RBFOX2: variants seen among roughly 807,000 people sequenced by gnomAD.
RBFOX2 encodes RNA binding protein fox-1 homolog 2.
RBFOX2 carries 10 observed loss-of-function variants against 49.1 expected under a neutral mutation model. That is an observed-to-expected ratio of 0.20 (90% CI 0.13 to 0.35). RBFOX2 has a LOEUF of 0.35. Among genes scored for constraint, RBFOX2 ranks in the 10% least tolerant of loss-of-function variants. The probability of loss-of-function intolerance (pLI) is 1.00; values close to 1 mark genes in which losing one functional copy is unlikely to be tolerated. For synonymous variants in RBFOX2, 183 were observed against 187.4 expected (o/e 0.98, Z 0.19); for missense variants, 323 against 486.9 (o/e 0.66, Z 3.17).
At chr22:35,812,487 A>T (rs1344526750) in intron 1 of RBFOX2, among the ~76,000 whole-genome samples, 1 of 152,110 alleles carries the variant, frequency 6.6e-6, no homozygotes, top group African/African-American at 2.4e-5. Flanking sequence ...AAATTATTCA[A>T]TGCTCTATCT....
intron 1 of RBFOX2, among the ~76,000 whole-genome samples, chr22:35,813,235 T>C (rs751395818): frequency 6.6e-5 from 10 of 152,354 alleles, no homozygotes; most frequent in Non-Finnish European, 1.2e-4. Flanking sequence ...TCCCCAAGTA[T>C]ACATTATTAA....
rs1030256357 is a variant in RBFOX2 at position 35,986,296 on chromosome 22, C to T, written c.186+41944G>A. Among the ~76,000 whole-genome samples, 3 of 152,090 alleles carry T rather than the reference C, an allele frequency of 2.0e-5. No individual in the cohort carries two copies. In the East Asian group the frequency reaches 5.8e-4, roughly 29 times the overall value. On this transcript the variant is annotated intron_variant, in intron 1 of 13. Coordinates refer to the RBFOX2 transcript ENST00000438146. ...CACAGCAGGAATTTGATATGAACAG[C>T]AGGATGAGGAAGGAGAATGAATAAT...
intron 1 of RBFOX2, among the ~76,000 whole-genome samples, chr22:35,862,383 G>T (rs548838150): frequency 1.3e-5 from 2 of 150,314 alleles, no homozygotes; most frequent in Non-Finnish European, 3.0e-5. Context: ...TTGGAGGGGG[G>T]GGGGAATGAT....
At chr22:35,741,996 G>A (rs1930202523) in exon 12 of RBFOX2, 1 of 152,172 alleles carries the variant, frequency 6.6e-6, no homozygotes. Flanking sequence ...TTTTTAGTCA[G>A]CTAAAGTTCT....
intron 1 of RBFOX2, among the ~76,000 whole-genome samples, chr22:36,022,306 C>T (rs2059274440): frequency 6.6e-6 from 1 of 152,260 alleles, no homozygotes; most frequent in South Asian, 2.1e-4. Flanking sequence ...CTGCACCAGT[C>T]TGCTTTACAG....
chr22:35,961,705 C>A (rs1295783228), upstream of RBFOX2: 6 of 1,299,306 alleles, frequency 4.6e-6, no homozygotes, highest in Non-Finnish European at 6.1e-6. Flanking sequence ...TCCCTATTGG[C>A]TTCATGGAGC....
intron 1 of RBFOX2, among the ~76,000 whole-genome samples, chr22:35,931,160 T>G (rs2052349343): frequency 6.6e-6 from 1 of 152,028 alleles, no homozygotes; most frequent in African/African-American, 2.4e-5. Flanking sequence ...CCTAAACTAT[T>G]GATGGGTGAC....
chr22:35,797,758 C>T (rs549784347), intron 2 of RBFOX2, among the ~76,000 whole-genome samples: 4 of 152,252 alleles, frequency 2.6e-5, no homozygotes, highest in African/African-American at 9.6e-5. Flanking sequence ...ATAGCTCCCT[C>T]GACCCAGACT....
intron 1 of RBFOX2, among the ~76,000 whole-genome samples, chr22:35,889,086 C>T (rs1003099953): frequency 1.7e-4 from 26 of 151,992 alleles, no homozygotes; most frequent in Non-Finnish European, 3.4e-4. Flanking sequence ...ATGCAGGAGG[C>T]GAAGGGTGCA....
chr22:35,759,916 G>T lies in RBFOX2; in HGVS notation c.859C>A (p.Pro287Thr). 1 of 1,613,684 alleles carries T rather than the reference G, an allele frequency of 6.2e-7. No individual in the cohort carries two copies. The highest frequency in any genetic ancestry group is 8.5e-7 in the Non-Finnish European group (1 of 1,180,004). Residue 287 changes from proline (P) to threonine (T), a missense_variant, in exon 9 of 12, where the codon CCT becomes ACT. This residue lies in a region of RBFOX2 where 200 missense variants were observed against 370.0 expected (regional missense o/e 0.54). Transcript: ENST00000405409. This position sits in a 1 kb window ranked among gnomAD's most constrained non-coding sequence, Gnocchi z 4.6. ...GGATAGGCGGGGATGGCTGTTGGAG[G>T]TACCGCTCGGACTGCACCATATACT... is the stretch of plus-strand genomic sequence containing the variant.
At chr22:35,989,898 C>T (rs1329579212) in intron 1 of RBFOX2, among the ~76,000 whole-genome samples, 1 of 152,128 alleles carries the variant, frequency 6.6e-6, no homozygotes, top group Non-Finnish European at 1.5e-5. Flanking sequence ...AACAGAAATA[C>T]TGGCCATGTG....
intron 1 of RBFOX2, chr22:35,996,521 C>A (rs556939356): frequency 6.6e-6 from 1 of 151,964 alleles, no homozygotes; most frequent in Non-Finnish European, 1.5e-5. Context: ...ATGAGAATCA[C>A]CTGAGCCTGG....
At chr22:35,795,696 G>A (rs1430527462) in intron 2 of RBFOX2, among the ~76,000 whole-genome samples, 1 of 150,556 alleles carries the variant, frequency 6.6e-6, no homozygotes, top group African/African-American at 2.4e-5. Flanking sequence ...CCAGTGAGGA[G>A]GGTTATAAAA....
At chr22:35,986,683 G>A (rs2057738643) in intron 1 of RBFOX2, among the ~76,000 whole-genome samples, 1 of 152,184 alleles carries the variant, frequency 6.6e-6, no homozygotes, top group Non-Finnish European at 1.5e-5. Flanking sequence ...AAAGGCAAAA[G>A]AAAGAAGTAT....
chr22:36,016,718 G>A (rs1006324793), intron 1 of RBFOX2, among the ~76,000 whole-genome samples: 1 of 152,064 alleles, frequency 6.6e-6, no homozygotes, highest in African/African-American at 2.4e-5. Flanking sequence ...TCCACCCTTG[G>A]GAAAACAGGT....
At chr22:36,026,872 A>C (rs1484128267) in intron 1 of RBFOX2, among the ~76,000 whole-genome samples, 2 of 152,234 alleles carry the variant, frequency 1.3e-5, no homozygotes, top group Non-Finnish European at 2.9e-5. Context: ...GCTTAAGTAC[A>C]GCTCTGTCCC....
intron 1 of RBFOX2, among the ~76,000 whole-genome samples, chr22:35,990,182 A>C (rs2057913396): frequency 1.3e-5 from 2 of 152,172 alleles, no homozygotes; most frequent in South Asian, 4.1e-4. Flanking sequence ...ACTCTGTCTA[A>C]AAACAAAAAC....
At chr22:35,813,852 A>C (rs915773876) in intron 1 of RBFOX2, among the ~76,000 whole-genome samples, 1 of 152,226 alleles carries the variant, frequency 6.6e-6, no homozygotes, top group South Asian at 2.1e-4. Context: ...GGGATAACAC[A>C]GAGTGAAACA....
At chr22:35,963,758 G>T (rs1247713809), upstream of RBFOX2, among the ~76,000 whole-genome samples, 1 of 152,062 alleles carries the variant, frequency 6.6e-6, no homozygotes, top group African/African-American at 2.4e-5. Flanking sequence ...TGTTGTTGTT[G>T]TTTTTGCAAT....
Sources: gnomAD v4.1 joint callset for allele counts (sites outside exome capture counted in the v4.1 genomes callset) on GRCh38, gnomAD v4.1.1 for gene constraint, gnomAD v4.1.1 regional missense constraint, Gnocchi (gnomAD v3.1) non-coding constraint, MANE v1.5 for transcripts, NCBI Gene and HGNC (gene_info 2026-07-23, HGNC 2026-07-21) for gene names.